OR56A3: variants seen among roughly 807,000 people sequenced by gnomAD.
The protein encoded by OR56A3 is olfactory receptor family 56 subfamily A member 3.
A neutral mutation model predicts 17.5 loss-of-function variants in OR56A3; 23 were observed. The observed-to-expected ratio is 1.32, with a 90% CI of 0.95 to 1.87. The LOEUF (loss-of-function observed/expected upper bound fraction) is 1.87. Among genes scored for constraint, OR56A3 ranks in the 40% most tolerant of loss-of-function variants. OR56A3 has a pLI of 0.00. For synonymous variants in OR56A3, 175 were observed against 150.6 expected (o/e 1.16, Z -1.19); for missense variants, 366 against 380.1 (o/e 0.96, Z 0.31).
At chr11:5,965,880 G>A in the OR56A3 span, among the ~76,000 whole-genome samples, 5 of 152,022 alleles carry the variant, frequency 3.3e-5, no homozygotes, top group Admixed American at 6.6e-5. Context: ...TGTGGAAGAG[G>A]ATACTGGAAC....
At chr11:5,994,532 A>G in the OR56A3 span, 3 of 943,616 alleles carry the variant, frequency 3.2e-6, no homozygotes, top group Non-Finnish European at 5.1e-6. Context: ...CTTCATGAAG[A>G]GCAGCTCCTC....
At chr11:5,967,947 G>A in the OR56A3 span, 1 of 1,595,160 alleles carries the variant, frequency 6.3e-7, no homozygotes. Context: ...AGACACGTTA[G>A]TACAGATGCA....
At chr11:5,966,349 G>A in the OR56A3 span, among the ~76,000 whole-genome samples, 1 of 152,052 alleles carries the variant, frequency 6.6e-6, no homozygotes, top group Non-Finnish European at 1.5e-5. Context: ...ACTCCAGCCT[G>A]GGCGATAGAG....
At chr11:5,974,850 A>G in the OR56A3 span, among the ~76,000 whole-genome samples, 1 of 152,230 alleles carries the variant, frequency 6.6e-6, no homozygotes, top group Non-Finnish European at 1.5e-5. Context: ...AAAAGAGTCA[A>G]TATATAAATA....
At chr11:5,987,321 C>G in the OR56A3 span, among the ~76,000 whole-genome samples, 3,915 of 152,218 alleles carry the variant, frequency 0.026, 76 homozygotes, top group Non-Finnish European at 0.041. Flanking sequence ...AGTTGTTCCC[C>G]CTGTAGCCTT....
the OR56A3 span, chr11:5,968,127 T>C: frequency 1.2e-6 from 2 of 1,614,000 alleles, no homozygotes; most frequent in African/African-American, 1.3e-5. Flanking sequence ...ATAGCGGTCA[T>C]AGGCCATGAT....
chr11:6,005,444 C>T, the OR56A3 span, among the ~76,000 whole-genome samples: 1 of 152,098 alleles, frequency 6.6e-6, no homozygotes, highest in Non-Finnish European at 1.5e-5. Flanking sequence ...AAAAGATGTT[C>T]AAAGGGAAGC....
downstream of OR56A3, among the ~76,000 whole-genome samples, chr11:5,954,950 G>T (rs1182092892): frequency 6.6e-6 from 1 of 152,162 alleles, no homozygotes; most frequent in Non-Finnish European, 1.5e-5. Context: ...CACAAAAAAG[G>T]ACTCCAAAGA....
At chr11:5,969,247 G>C in the OR56A3 span, among the ~76,000 whole-genome samples, 1 of 152,128 alleles carries the variant, frequency 6.6e-6, no homozygotes, top group Non-Finnish European at 1.5e-5. Context: ...CCTAAAATGA[G>C]AACTTAACAC....
chr11:5,968,577 T>G, the OR56A3 span: 1 of 1,043,556 alleles, frequency 9.6e-7, no homozygotes, highest in Admixed American at 2.5e-5. Context: ...ACAAAGCTGT[T>G]AAAATATTTG....
the OR56A3 span, chr11:6,002,262 C>A: frequency 1.9e-6 from 3 of 1,614,146 alleles, no homozygotes; most frequent in South Asian, 2.2e-5. Context: ...GTGGGAACCA[C>A]ACGTGCTCAA....
At chr11:5,944,490 T>C (rs1417418436) in intron 1 of OR56A3, among the ~76,000 whole-genome samples, 1 of 152,124 alleles carries the variant, frequency 6.6e-6, no homozygotes, top group East Asian at 1.9e-4. Context: ...CTACAAAATA[T>C]ATAAAACAAA....
chr11:6,014,307 G>C, the OR56A3 span, among the ~76,000 whole-genome samples: 1 of 152,222 alleles, frequency 6.6e-6, no homozygotes, highest in Non-Finnish European at 1.5e-5. Flanking sequence ...GTTGAAGGTA[G>C]GGCCTGGTGG....
At chr11:5,954,450 A>G (rs894092217), downstream of OR56A3, among the ~76,000 whole-genome samples, 3 of 152,216 alleles carry the variant, frequency 2.0e-5, no homozygotes, top group Admixed American at 2.0e-4. Context: ...CTGGGGAGTT[A>G]AAGTGTGAAA....
the OR56A3 span, among the ~76,000 whole-genome samples, chr11:6,007,298 G>T: frequency 5.9e-5 from 9 of 152,174 alleles, no homozygotes; most frequent in Admixed American, 5.9e-4. Flanking sequence ...GTTACCAAGG[G>T]GCAGGGAGAG....
the OR56A3 span, among the ~76,000 whole-genome samples, chr11:6,007,976 G>T: frequency 6.6e-6 from 1 of 151,998 alleles, no homozygotes; most frequent in African/African-American, 2.4e-5. Flanking sequence ...TTTTTGTTTC[G>T]TAAGTGTGGT....
chr11:5,999,215 G>A, the OR56A3 span, among the ~76,000 whole-genome samples: 3 of 152,048 alleles, frequency 2.0e-5, no homozygotes, highest in African/African-American at 7.2e-5. Flanking sequence ...AGGGAAAGAG[G>A]AGGACTCAAA....
the OR56A3 span, chr11:5,995,053 T>G: frequency 1.6e-6 from 1 of 626,724 alleles, no homozygotes; most frequent in Non-Finnish European, 2.9e-6. Context: ...GGCGCCTGCA[T>G]AGACGCTGGC....
At chr11:6,009,886 C>A in the OR56A3 span, among the ~76,000 whole-genome samples, 1 of 152,170 alleles carries the variant, frequency 6.6e-6, no homozygotes, top group East Asian at 1.9e-4. Context: ...TTTTTAAATT[C>A]TCTTTATCTT....
Sources: allele counts gnomAD v4.1 joint callset (sites outside exome capture counted in the v4.1 genomes callset), GRCh38; gene constraint gnomAD v4.1.1; transcripts MANE v1.5; gene names NCBI Gene and HGNC (gene_info 2026-07-23, HGNC 2026-07-21).